MYO16: variants seen among roughly 807,000 people sequenced by gnomAD.
MYO16 encodes the protein myosin XVI, also known as unconventional myosin-XVI.
In MYO16, 94 loss-of-function variants were observed where a neutral mutation model predicts 205.3. The observed-to-expected ratio is 0.46, with a 90% CI of 0.39 to 0.54. The LOEUF is 0.54. Among genes scored for constraint, MYO16 ranks in the 20% least tolerant of loss-of-function variants. The pLI is 0.00. For synonymous variants in MYO16, 988 were observed against 954.0 expected, an observed-to-expected ratio of 1.04 and a Z score of -0.66; for missense variants, 2,315 against 2,387.5, an observed-to-expected ratio of 0.97 and a Z score of 0.63.
intron 27 of MYO16, among the ~76,000 whole-genome samples, chr13:109,079,380 T>C (rs529440640): frequency 8.9e-4 from 87 of 97,430 alleles, no homozygotes; most frequent in African/African-American, 2.9e-3. Context: ...AGTTACCTAC[T>C]GTATGGGTTT....
chr13:108,964,690 G>T lies in MYO16; in HGVS notation c.2228-71G>T, dbSNP rs576629219. ...GATGTGTGGGGAATTAATAGGATAT[G>T]TGGAGTTTTGGTTGGCTTCTAAATG... On this transcript the variant is annotated intron_variant, in intron 19 of 34. Transcript: ENST00000457511. 20 of 1,497,486 alleles carry T rather than the reference G, an allele frequency of 1.3e-5. No individual in the cohort carries two copies. The South Asian group carries it at 2.4e-4, about 18-fold the overall frequency. The allele number at this position is 1,497,486 out of a possible 1,614,324, so 92.8% of individuals were successfully genotyped here.
At chr13:108,562,126 T>C in the MYO16 span, among the ~76,000 whole-genome samples, 2 of 152,190 alleles carry the variant, frequency 1.3e-5, no homozygotes, top group African/African-American at 4.8e-5. Flanking sequence ...TTCTGGAGAT[T>C]GGAATCTGAG....
chr13:108,700,337 A>T (rs1360922307), intron 2 of MYO16, among the ~76,000 whole-genome samples: 2 of 18,532 alleles, frequency 1.1e-4, no homozygotes, highest in Non-Finnish European at 2.8e-4. Flanking sequence ...TGTCTCAAAA[A>T]AAAAAAAAAA....
At chr13:108,755,783 G>C (rs1018149038) in intron 4 of MYO16, among the ~76,000 whole-genome samples, 8 of 152,148 alleles carry the variant, frequency 5.3e-5, no homozygotes, top group Admixed American at 5.2e-4. Flanking sequence ...TGTGGCTAAT[G>C]ACACGTCAGT....
chr13:108,821,473 A>G (rs1875967278), intron 8 of MYO16, among the ~76,000 whole-genome samples: 1 of 152,226 alleles, frequency 6.6e-6, no homozygotes, highest in Non-Finnish European at 1.5e-5. Flanking sequence ...CTAATGATAA[A>G]TATCAAAAGA....
At chr13:109,179,920 C>A (rs1879385733) in intron 34 of MYO16, among the ~76,000 whole-genome samples, 1 of 151,992 alleles carries the variant, frequency 6.6e-6, no homozygotes, top group Non-Finnish European at 1.5e-5. Context: ...TAAAATTATT[C>A]TCGGGTGAAG....
rs766550645 is a variant in MYO16, at chr13:108,844,337, C to T, written c.1098-6C>T. On this transcript the variant is annotated splice_polypyrimidine_tract_variant and splice_region_variant and intron_variant, in intron 9 of 34. Transcript: ENST00000457511. Reference sequence around the variant, plus strand: ...CTAATTGTAGTATTGATTTTTTTTCCTGTAGCAGTCCCCTGGTGTTACCAA... The same window carrying T: ...CTAATTGTAGTATTGATTTTTTTTCTTGTAGCAGTCCCCTGGTGTTACCAA... 5 of 1,596,634 alleles carry T rather than the reference C, an allele frequency of 3.1e-6. No individual in the cohort carries two copies. Among genetic ancestry groups the T allele is most frequent in the Admixed American group, 1.7e-5 (1 of 57,254 alleles).
chr13:109,197,108 C>A (rs544311550), intron 34 of MYO16, among the ~76,000 whole-genome samples: 3 of 152,186 alleles, frequency 2.0e-5, no homozygotes, highest in African/African-American at 4.8e-5. Context: ...GACTGTCCCC[C>A]TCTCCTTCAG....
chr13:109,202,032 T>G (rs1448058317), intron 34 of MYO16, among the ~76,000 whole-genome samples: 2 of 152,092 alleles, frequency 1.3e-5, no homozygotes, highest in Non-Finnish European at 2.9e-5. Context: ...TGATCATACA[T>G]ATGATCATAT....
Position 108,936,735 on chromosome 13 carries a change from G to A in MYO16, c.1926-20953G>A, listed in dbSNP as rs543884654. On this transcript the variant is annotated intron_variant, in intron 16 of 34. Coordinates refer to ENST00000457511, the MANE Select transcript of MYO16 (RefSeq NM_001198950.3). ...TATAGCTGTTGTTACATGTGAGGTGGATCTCTTAAAGACAGTAGTTGGATG... is the reference window on the plus strand; with the variant it reads ...TATAGCTGTTGTTACATGTGAGGTGAATCTCTTAAAGACAGTAGTTGGATG... Among the ~76,000 whole-genome samples, 8 of 152,236 alleles carry A rather than the reference G, an allele frequency of 5.3e-5. No homozygotes were observed. In the South Asian group the frequency reaches 1.7e-3, roughly 32 times the overall value.
chr13:108,824,805 A>G (rs1239454193), intron 9 of MYO16, among the ~76,000 whole-genome samples: 2 of 152,106 alleles, frequency 1.3e-5, no homozygotes, highest in Non-Finnish European at 2.9e-5. Flanking sequence ...ATATTAGATA[A>G]CCTAGATGAA....
chr13:108,809,967 T>G lies in MYO16; in HGVS notation c.867+3163T>G, dbSNP rs563586312. Reference sequence around the variant, plus strand: ...GAGACTTTTACTTAGTTCAGCAGATTTTTGCGAATCATGAAGATGAATGCC... The same window carrying G: ...GAGACTTTTACTTAGTTCAGCAGATGTTTGCGAATCATGAAGATGAATGCC... On this transcript the variant is annotated intron_variant, in intron 7 of 34. Coordinates refer to ENST00000457511, the MANE Select transcript of MYO16 (RefSeq NM_001198950.3). Among the ~76,000 whole-genome samples the G allele has an allele frequency of 9.7e-4, 147 of 152,244 alleles. 1 individual carries two copies. The highest frequency in any genetic ancestry group is 1.9e-3 in the Non-Finnish European group (131 of 68,016).
At chr13:109,134,796 AC>A (rs752396819) in intron 31 of MYO16, among the ~76,000 whole-genome samples, 6 of 152,152 alleles carry the variant, frequency 3.9e-5, no homozygotes, top group Non-Finnish European at 8.8e-5. Context: ...CAAACACCAA[AC>A]CAGGTTTAGG....
intron 15 of MYO16, among the ~76,000 whole-genome samples, chr13:108,908,878 C>CAGGAG (rs1881121397): frequency 6.6e-6 from 1 of 151,390 alleles, no homozygotes; most frequent in African/African-American, 2.4e-5. Flanking sequence ...GAGGCTGAGG[C>CAGGAG]AGGAGAATCA....
At chr13:108,499,521 C>G in the MYO16 span, among the ~76,000 whole-genome samples, 1 of 152,146 alleles carries the variant, frequency 6.6e-6, no homozygotes, top group Non-Finnish European at 1.5e-5. Context: ...ACCCCCAACC[C>G]CCCATCTAGC....
chr13:108,582,825 A>G, the MYO16 span, among the ~76,000 whole-genome samples: 1 of 152,170 alleles, frequency 6.6e-6, no homozygotes, highest in Non-Finnish European at 1.5e-5. Context: ...GTTATTATTT[A>G]AAAGTTTCCG....
chr13:109,045,841 A>G (rs949295168), intron 23 of MYO16, among the ~76,000 whole-genome samples: 6 of 152,226 alleles, frequency 3.9e-5, no homozygotes, highest in Admixed American at 6.5e-5. Context: ...CAAAGAATCC[A>G]GTCCTCTCTG....
intron 27 of MYO16, among the ~76,000 whole-genome samples, chr13:109,094,612 G>C (rs1342260415): frequency 1.3e-5 from 2 of 152,204 alleles, no homozygotes; most frequent in Non-Finnish European, 2.9e-5. Flanking sequence ...TGCCATGGTT[G>C]TTTGTTGCAC....
intron 32 of MYO16, among the ~76,000 whole-genome samples, chr13:109,160,388 G>T (rs919064025): frequency 6.6e-6 from 1 of 152,268 alleles, no homozygotes; most frequent in East Asian, 1.9e-4. Flanking sequence ...ATATCTTAAT[G>T]CAAAGGCCAA....
Sources: gnomAD v4.1 joint callset for allele counts (sites outside exome capture counted in the v4.1 genomes callset) on GRCh38, gnomAD v4.1.1 for gene constraint, MANE v1.5 for transcripts, NCBI Gene and HGNC (gene_info 2026-07-23, HGNC 2026-07-21) for gene names.